DHX32: variants seen among roughly 807,000 people sequenced by gnomAD.
The protein encoded by DHX32 is putative pre-mRNA-splicing factor ATP-dependent RNA helicase DHX32.
In DHX32, 51 loss-of-function variants were observed where a neutral mutation model predicts 70.0. That is an observed-to-expected ratio of 0.73 (90% confidence interval 0.58 to 0.92). DHX32 has a LOEUF of 0.92. DHX32 is among the 40% of genes least tolerant of loss of function. The probability of loss-of-function intolerance (pLI) is 0.00; values close to 1 mark genes in which losing one functional copy is unlikely to be tolerated. For missense variants in DHX32, 762 were observed against 891.8 expected, an observed-to-expected ratio of 0.85 and a Z score of 1.85; for synonymous variants, 310 against 315.3, an observed-to-expected ratio of 0.98 and a Z score of 0.18.
At chr10:125,894,712 T>C (rs534950324) in intron 1 of DHX32, among the ~76,000 whole-genome samples, 789 of 151,348 alleles carry the variant, frequency 5.2e-3, no homozygotes, top group African/African-American at 0.018. Context: ...AATCCTTTAC[T>C]GTTTGAGCAG....
intron 3 of DHX32, among the ~76,000 whole-genome samples, chr10:125,858,116 G>T (rs1166628658): frequency 6.6e-6 from 1 of 151,828 alleles, no homozygotes; most frequent in Non-Finnish European, 1.5e-5. Flanking sequence ...GTCAAGGCTG[G>T]TCTCAACCTC....
At chr10:125,838,101 A>G in intron 10 of DHX32, 105 bp downstream of exon 10, 1 of 1,072,824 alleles carries the variant, frequency 9.3e-7, no homozygotes, top group South Asian at 1.8e-5. Flanking sequence ...TTAAGATTGC[A>G]TCAGTATAAA....
In DHX32 at chr10:125,836,340, A is replaced by G. The variant is rs1854683394; in HGVS notation, c.*347T>C. 1 of 1,609,800 alleles carries G rather than the reference A, an allele frequency of 6.2e-7. No individual in the cohort carries two copies. Among genetic ancestry groups the G allele is most frequent in the East Asian group, 2.2e-5 (1 of 44,842 alleles). On this transcript the variant is annotated 3_prime_UTR_variant, in exon 11 of 11. Coordinates refer to ENST00000284690, the MANE Select transcript of DHX32 (RefSeq NM_018180.3). ...TTACCAGAAAACTCAGTGGAGATTT[A>G]CTGAAAAACTCAGACTTTATTCAGA...
intron 8 of DHX32, among the ~76,000 whole-genome samples, chr10:125,840,374 G>A (rs1854837891): frequency 6.6e-6 from 1 of 152,216 alleles, no homozygotes. Context: ...CAGCAACTCT[G>A]CAGCCTCCCC....
chr10:125,838,092 T>G (rs1854754303), intron 10 of DHX32, 114 bp downstream of exon 10: 2 of 998,594 alleles, frequency 2.0e-6, no homozygotes, highest in Admixed American at 2.9e-5. Context: ...CAACGTAAAT[T>G]AAGATTGCAT....
At chr10:125,862,099 T>G (rs1028055773) in intron 2 of DHX32, among the ~76,000 whole-genome samples, 1 of 152,170 alleles carries the variant, frequency 6.6e-6, no homozygotes, top group African/African-American at 2.4e-5. Context: ...TCAGAAAAAT[T>G]CAGTACCCTG....
At chr10:125,837,005 G>A (rs1448497421) in intron 10 of DHX32, 150 bp from the exon 11 acceptor site, 1 of 679,300 alleles carries the variant, frequency 1.5e-6, no homozygotes, top group Non-Finnish European at 2.4e-6. Context: ...GTCCGACTTT[G>A]TAAAATAAAT....
Position 125,852,328 on chromosome 10 carries a change from G to A in DHX32, c.1316C>T (p.Ala439Val), listed in dbSNP as rs143704757. The change falls in exon 6 of 11, where the codon GCG becomes GTG. Residue 439 changes from alanine to valine, a missense_variant. By Grantham distance (64) the Ala-to-Val change is moderately conservative (BLOSUM62 0). Transcript: ENST00000284690. ...CATGAAGTCACAGTGGCCTAGGCCC[G>A]CAATGTCTATCCTCTTCATAAAAAG... Reference protein sequence around the residue: ...MVLFMKRIDIAGLGHCDFMNR... With the variant: ...MVLFMKRIDIVGLGHCDFMNR... 528 of 1,614,130 alleles carry A rather than the reference G, an allele frequency of 3.3e-4. 3 individuals carry two copies. In the Middle Eastern group the frequency reaches 3.3e-3, roughly 10 times the overall value.
rs1237745365 is a variant in DHX32 at position 125,866,142 on chromosome 10, T to C, written c.476+848A>G. 2.0e-5 allele frequency among the ~76,000 whole-genome samples: 3 copies of C among 152,210 alleles called. No homozygotes were observed. Among genetic ancestry groups the C allele is most frequent in the Non-Finnish European group, 1.5e-5 (1 of 68,030 alleles). ...CCCGGGGCAGCTGAAGCCCGTGGGATGGTCAACTCTGGCTCCAGGCAGCTG... is the reference window on the plus strand; with the variant it reads ...CCCGGGGCAGCTGAAGCCCGTGGGACGGTCAACTCTGGCTCCAGGCAGCTG... On this transcript the variant is annotated intron_variant, in intron 2 of 10. Transcript: ENST00000284690. The surrounding 1 kb of genome is among the most constrained non-coding windows in gnomAD (Gnocchi z 4.8).
intron 1 of DHX32, among the ~76,000 whole-genome samples, chr10:125,889,203 T>A (rs1404516460): frequency 1.3e-5 from 2 of 152,214 alleles, no homozygotes; most frequent in Non-Finnish European, 2.9e-5. Flanking sequence ...GATTTTCACT[T>A]ATTTCCTTTT....
At chr10:125,891,652 T>C (rs1467325867) in intron 1 of DHX32, among the ~76,000 whole-genome samples, 1 of 152,312 alleles carries the variant, frequency 6.6e-6, no homozygotes, top group Non-Finnish European at 1.5e-5. Context: ...TGGGTAGTCA[T>C]TTTACATGAA....
chr10:125,856,757 G>C (rs1944150417), intron 3 of DHX32, among the ~76,000 whole-genome samples: 1 of 151,962 alleles, frequency 6.6e-6, no homozygotes, highest in African/African-American at 2.4e-5. Flanking sequence ...ACCAGCCTGG[G>C]CAACATAGTT....
Position 125,841,805 on chromosome 10 carries a change from A to G in DHX32, c.1481T>C (p.Ile494Thr). 6.2e-7 allele frequency: 1 copy of G among 1,613,646 alleles called. No homozygotes were observed. Among genetic ancestry groups the G allele is most frequent in the Non-Finnish European group, 8.5e-7 (1 of 1,179,940 alleles). ...ACAGTCAAATTCACAGGACGCTAAG[A>G]TAGACTTCGAGAGTTGTGGATCAAG... is the stretch of plus-strand genomic sequence containing the variant. The part of the protein sequence containing the change: ...FPLDPQLSKS[I>T]LASCEFDCVD... The change falls in exon 7 of 11, where the codon ATC (isoleucine) becomes ACC (threonine). Residue 494 changes from isoleucine to threonine, a missense_variant. Physicochemically the swap from Ile to Thr is moderately conservative, Grantham distance 89. This residue lies in a region of DHX32 where 366 missense variants were observed against 402.6 expected (regional missense o/e 0.91). Coordinates refer to ENST00000284690, the MANE Select transcript of DHX32 (RefSeq NM_018180.3).
chr10:125,887,858 T>C (rs1215203525), intron 1 of DHX32, among the ~76,000 whole-genome samples: 1 of 152,160 alleles, frequency 6.6e-6, no homozygotes, highest in Non-Finnish European at 1.5e-5. Context: ...TAACAGTTTA[T>C]GGCAAAAGGC....
At chr10:125,851,707 C>G (rs1944091291) in intron 6 of DHX32, among the ~76,000 whole-genome samples, 1 of 152,060 alleles carries the variant, frequency 6.6e-6, no homozygotes, top group African/African-American at 2.4e-5. Flanking sequence ...AAACTGCAGA[C>G]ATAGGACTAG....
intron 2 of DHX32, among the ~76,000 whole-genome samples, chr10:125,862,435 ATT>A (rs113981487): frequency 2.7e-5 from 4 of 145,682 alleles, no homozygotes; most frequent in African/African-American, 2.5e-5. Flanking sequence ...CTAGTTTTCA[ATT>A]TTTTTTTTTT....
intron 4 of DHX32, chr10:125,853,036 G>A (rs1056986771): frequency 2.2e-6 from 2 of 930,100 alleles, no homozygotes; most frequent in African/African-American, 3.4e-5. Context: ...GATCTTGGTG[G>A]TCTCACCTTT....
At chr10:125,876,880 T>A (rs1944287532) in intron 1 of DHX32, among the ~76,000 whole-genome samples, 1 of 152,228 alleles carries the variant, frequency 6.6e-6, no homozygotes, top group Non-Finnish European at 1.5e-5. Context: ...AGAAATCAGA[T>A]AATAATTAGA....
At chr10:125,871,069 T>C (rs1944253004) in intron 1 of DHX32, among the ~76,000 whole-genome samples, 1 of 152,234 alleles carries the variant, frequency 6.6e-6, no homozygotes, top group Non-Finnish European at 1.5e-5. Flanking sequence ...CCAATGATCA[T>C]GAGCCATGTT....
Sources: allele counts gnomAD v4.1 joint callset (sites outside exome capture counted in the v4.1 genomes callset), GRCh38; gene constraint gnomAD v4.1.1; regional missense constraint gnomAD v4.1.1; non-coding constraint Gnocchi (gnomAD v3.1); transcripts MANE v1.5; gene names NCBI Gene and HGNC (gene_info 2026-07-23, HGNC 2026-07-21).